Variants in WDR7 observed in about 807,000 individuals in gnomAD.
WDR7 encodes the protein WD repeat-containing protein 7.
A neutral mutation model predicts 169.4 loss-of-function variants in WDR7; 46 were observed. The ratio of observed to expected loss-of-function variants is 0.27; its 90% CI spans 0.21 to 0.35. The LOEUF (loss-of-function observed/expected upper bound fraction) is 0.35. Ranked by LOEUF, WDR7 falls within the 10% of genes least tolerant of loss-of-function variation. The pLI is 1.00. For missense variants in WDR7, 1,534 were observed against 1,859.3 expected (o/e 0.83, Z 3.22); for synonymous variants, 612 against 666.8 (o/e 0.92, Z 1.27).
intron 16 of WDR7, among the ~76,000 whole-genome samples, chr18:56,772,148 A>C (rs909356042): frequency 2.0e-5 from 3 of 151,296 alleles, no homozygotes; most frequent in Admixed American, 2.0e-4. Flanking sequence ...TCAGTCAAAA[A>C]GGCAGAATAA....
At chr18:56,858,908 A>C (rs367961504) in intron 20 of WDR7, among the ~76,000 whole-genome samples, 71 of 152,258 alleles carry the variant, frequency 4.7e-4, no homozygotes, top group African/African-American at 1.6e-3. Context: ...AAGTAGAATA[A>C]ATTAGTGTAT....
At chr18:56,756,436 A>G (rs1004175454) in intron 14 of WDR7, 147 bp from the exon 15 acceptor site, 1 of 672,378 alleles carries the variant, frequency 1.5e-6, no homozygotes, top group South Asian at 3.1e-5. Context: ...TGATTGGCAA[A>G]GTTAGTATGT....
intron 20 of WDR7, among the ~76,000 whole-genome samples, chr18:56,863,088 G>C (rs2045831511): frequency 6.6e-6 from 1 of 151,756 alleles, no homozygotes; most frequent in Non-Finnish European, 1.5e-5. Context: ...TGTATTAACA[G>C]TTAATCTAAC....
At chr18:56,745,258 C>G (rs920867611) in intron 14 of WDR7, among the ~76,000 whole-genome samples, 1 of 152,178 alleles carries the variant, frequency 6.6e-6, no homozygotes, top group African/African-American at 2.4e-5. Flanking sequence ...CCCACACTTA[C>G]GATGCACAGA....
chr18:57,010,221 G>C (rs1466527525), intron 26 of WDR7: 1 of 985,196 alleles, frequency 1.0e-6, no homozygotes, highest in Non-Finnish European at 1.2e-6. Flanking sequence ...ATTTAGCTTT[G>C]GGTTTGCCCA....
downstream of WDR7, chr18:57,030,081 A>G (rs533871584): frequency 1.3e-5 from 2 of 152,258 alleles, no homozygotes; most frequent in African/African-American, 4.8e-5. Context: ...GCACCAAATC[A>G]TATCTTGTCA....
At chr18:56,765,837 C>G (rs1444388149) in intron 16 of WDR7, among the ~76,000 whole-genome samples, 1 of 151,878 alleles carries the variant, frequency 6.6e-6, no homozygotes, top group Non-Finnish European at 1.5e-5. Flanking sequence ...TATTTAAGTT[C>G]TGGGATCCAT....
chr18:56,967,730 T>C (rs2047430323), intron 26 of WDR7, among the ~76,000 whole-genome samples: 1 of 152,214 alleles, frequency 6.6e-6, no homozygotes, highest in South Asian at 2.1e-4. Context: ...CCACAGGGAA[T>C]TGGCTCTAGG....
intron 21 of WDR7, among the ~76,000 whole-genome samples, chr18:56,890,493 A>C (rs1599133542): frequency 6.6e-6 from 1 of 152,204 alleles, no homozygotes. Context: ...ACAATGCCAC[A>C]GAATTGCAAT....
At chr18:56,905,671 A>G (rs1482705459) in intron 21 of WDR7, among the ~76,000 whole-genome samples, 1 of 151,268 alleles carries the variant, frequency 6.6e-6, no homozygotes, top group Non-Finnish European at 1.5e-5. Flanking sequence ...TGCTAAAAGA[A>G]ATGTAATTTA....
rs370662734 is a variant in WDR7, at chr18:56,699,907, A to G, written c.1578+3445A>G. ...GACCCCCTTTTCAAACTCCACATAC[A>G]TGTCAGTAGGTATTTATCATCCTTT... On this transcript the variant is annotated intron_variant, in intron 12 of 27. Coordinates refer to ENST00000254442, the MANE Select transcript of WDR7 (RefSeq NM_015285.3). 9 of 980,638 alleles carry G rather than the reference A, an allele frequency of 9.2e-6. No homozygotes were observed. In the African/African-American group the frequency reaches 1.6e-4, roughly 17 times the overall value. 60.7% of individuals were successfully genotyped at this position (980,638 alleles called of 1,614,324 possible). A position where few individuals can be genotyped will look rare whatever the true frequency, so the allele number is the denominator to read the frequency against.
At chr18:56,856,599 A>C (rs1189900208) in intron 20 of WDR7, among the ~76,000 whole-genome samples, 1 of 151,880 alleles carries the variant, frequency 6.6e-6, no homozygotes, top group Non-Finnish European at 1.5e-5. Context: ...TAATTTAAAT[A>C]ATAATGATCA....
intron 12 of WDR7, 55 bp downstream of exon 12, chr18:56,696,517 C>A: frequency 7.5e-7 from 1 of 1,325,548 alleles, no homozygotes; most frequent in Non-Finnish European, 1.0e-6. Flanking sequence ...AGTTATATTA[C>A]TATCAGGAAT....
rs569063860 is a variant in WDR7, at chr18:56,919,212, G to A, written c.3527-4710G>A. Among the ~76,000 whole-genome samples, 331 of 152,210 alleles carry A rather than the reference G, an allele frequency of 2.2e-3. 1 individual carries two copies. Among genetic ancestry groups the A allele is most frequent in the Non-Finnish European group, 3.7e-3 (252 of 68,002 alleles). On this transcript the variant is annotated intron_variant, in intron 21 of 27. Coordinates refer to ENST00000254442, the MANE Select transcript of WDR7 (RefSeq NM_015285.3). The stretch of plus-strand genomic sequence containing the variant: ...CAAACTGCATTTCCCATCCTCCCTG[G>A]AAAATAGGGAATTATTATATGGTAT...
In WDR7 at chr18:56,696,367, A is replaced by G; in HGVS notation, c.1483A>G (p.Ile495Val). 6.2e-7 allele frequency: 1 copy of G among 1,614,174 alleles called. No homozygotes were observed. The highest frequency in any genetic ancestry group is 8.5e-7 in the Non-Finnish European group (1 of 1,180,030). The change falls in exon 12 of 28, where the codon ATA becomes GTA. Residue 495 changes from isoleucine to valine, a missense_variant. Transcript: ENST00000254442. ...ATCTGGAGGTGTGGATTTTTCAGTC[A>G]TAATTTGGGACATATTTTCTGGAGA... ...LISGGVDFSV[I>V]IWDIFSGEMK... is the part of the protein sequence containing the mutation.
intron 25 of WDR7, among the ~76,000 whole-genome samples, chr18:56,950,217 A>C (rs994407019): frequency 6.6e-6 from 1 of 152,210 alleles, no homozygotes; most frequent in African/African-American, 2.4e-5. Flanking sequence ...TATTGAAACA[A>C]TGTGTACTCA....
intron 19 of WDR7, chr18:56,782,066 A>G (rs1474516739): frequency 6.5e-6 from 1 of 153,106 alleles, no homozygotes; most frequent in African/African-American, 2.4e-5. Flanking sequence ...ATCCTTAGAA[A>G]AACAAAGATC....
chr18:56,804,931 A>G (rs1421036997), intron 19 of WDR7, among the ~76,000 whole-genome samples: 2 of 152,168 alleles, frequency 1.3e-5, no homozygotes, highest in Non-Finnish European at 2.9e-5. Flanking sequence ...TCTGATGTTT[A>G]AGGCAGCAGA....
chr18:56,830,854 T>C (rs1039457055), intron 20 of WDR7, among the ~76,000 whole-genome samples: 14 of 152,216 alleles, frequency 9.2e-5, no homozygotes, highest in African/African-American at 3.4e-4. Context: ...TTATAAGCAC[T>C]GTGCCACCAT....
Sources: allele counts gnomAD v4.1 joint callset (sites outside exome capture counted in the v4.1 genomes callset), GRCh38; gene constraint gnomAD v4.1.1; transcripts MANE v1.5; gene names NCBI Gene and HGNC (gene_info 2026-07-23, HGNC 2026-07-21).